The following STX3 variants were observed in gnomAD, a reference collection of about 807,000 sequenced individuals.
STX3 encodes the protein syntaxin 3.
STX3 carries 19 observed loss-of-function variants against 40.2 expected under a neutral mutation model. That is an observed-to-expected ratio of 0.47 (90% CI 0.33 to 0.69). The LOEUF is 0.69. Among genes scored for constraint, STX3 ranks in the 30% least tolerant of loss-of-function variants. The probability of loss-of-function intolerance (pLI) is 0.02; values close to 1 mark genes in which losing one functional copy is unlikely to be tolerated. For missense variants in STX3, 364 were observed against 366.7 expected, an observed-to-expected ratio of 0.99 and a Z score of 0.06; for synonymous variants, 122 against 132.2, an observed-to-expected ratio of 0.92 and a Z score of 0.53.
chr11:59,796,826 C>T (rs1026232646), intron 9 of STX3, among the ~76,000 whole-genome samples: 2 of 152,104 alleles, frequency 1.3e-5, no homozygotes, highest in Non-Finnish European at 2.9e-5. Context: ...TTAAACTGTC[C>T]TAGGCTGGGT....
At chr11:59,796,246 C>G (rs1865511867) in intron 9 of STX3, among the ~76,000 whole-genome samples, 1 of 152,188 alleles carries the variant, frequency 6.6e-6, no homozygotes, top group African/African-American at 2.4e-5. Context: ...TAAGTAGAGG[C>G]ACTGGGATTC....
At chr11:59,780,416 C>A (rs143971124) in intron 2 of STX3, among the ~76,000 whole-genome samples, 1 of 152,168 alleles carries the variant, frequency 6.6e-6, no homozygotes, top group Non-Finnish European at 1.5e-5. Context: ...TTCCTAGCCT[C>A]CAGTACTGTG....
At chr11:59,764,149 G>A (rs183934812) in intron 1 of STX3, among the ~76,000 whole-genome samples, 33 of 152,292 alleles carry the variant, frequency 2.2e-4, no homozygotes, top group African/African-American at 7.5e-4. Flanking sequence ...CAGATTTAAA[G>A]CACATGAGGT....
In STX3 at chr11:59,803,177, T is replaced by C; in HGVS notation, c.*2353T>C. 8.1e-7 allele frequency: 1 copy of C among 1,231,662 alleles called. No homozygotes were observed. The highest frequency in any genetic ancestry group is 1.0e-6 in the Non-Finnish European group (1 of 987,900). The allele number at this position is 1,231,662 out of a possible 1,614,324, so 76.3% of individuals were successfully genotyped here. ...CCCTGCAGAATACTTTTTGCGATGA[T>C]GTTTCTCATGTATTCTTTCTTTCCT... On this transcript the variant is annotated 3_prime_UTR_variant, in exon 11 of 11. Transcript: ENST00000337979.
At chr11:59,795,743 C>T in intron 9 of STX3, 1 of 1,522,802 alleles carries the variant, frequency 6.6e-7, no homozygotes, top group Non-Finnish European at 8.8e-7. Context: ...TGTCCTTCGT[C>T]TCAGCTGTCT....
intron 1 of STX3, among the ~76,000 whole-genome samples, chr11:59,759,950 G>T (rs1050071041): frequency 6.6e-6 from 1 of 152,138 alleles, no homozygotes; most frequent in South Asian, 2.1e-4. Context: ...ACCAATCTGC[G>T]CTTCACTGAG....
intron 4 of STX3, 70 bp downstream of exon 4, chr11:59,789,017 T>G: frequency 7.1e-7 from 1 of 1,411,860 alleles, no homozygotes; most frequent in South Asian, 1.3e-5. Context: ...GGGTCCAGCT[T>G]TCCGAACTGA....
At chr11:59,795,224 G>A in intron 8 of STX3, 148 bp from the exon 9 acceptor site, 1 of 642,242 alleles carries the variant, frequency 1.6e-6, no homozygotes, top group South Asian at 1.9e-5. Context: ...CAAGGACTGT[G>A]AATGGGTGTC....
At position 59,803,124 on chromosome 11, in the gene STX3, C is replaced by A; in HGVS notation, c.*2300C>A. 2.4e-6 allele frequency: 3 copies of A among 1,229,990 alleles called. No homozygotes were observed. The highest frequency in any genetic ancestry group is 3.0e-6 in the Non-Finnish European group (3 of 987,128). 76.2% of individuals were successfully genotyped at this position (1,229,990 alleles called of 1,614,324 possible). A position where few individuals can be genotyped will look rare whatever the true frequency, so the allele number is the denominator to read the frequency against. On this transcript the variant is annotated 3_prime_UTR_variant, in exon 11 of 11. Transcript: ENST00000337979. ...CTTCTGTTGCTCTCTTCCTTCACAC[C>A]CTCTTCCATGTCCACATGCACTTAT...
chr11:59,781,508 C>A (rs933242148), intron 2 of STX3: 41 of 1,613,838 alleles, frequency 2.5e-5, no homozygotes, highest in Non-Finnish European at 3.4e-5. Flanking sequence ...CTTCAAACTT[C>A]TCTCCCAGGG....
intron 2 of STX3, among the ~76,000 whole-genome samples, chr11:59,781,085 C>CTT (rs67745750): frequency 4.3e-5 from 5 of 116,076 alleles, no homozygotes; most frequent in African/African-American, 6.7e-5. Flanking sequence ...CATTTGTTTT[C>CTT]TTTTTTTTTT....
intron 2 of STX3, among the ~76,000 whole-genome samples, chr11:59,786,274 G>C (rs997569127): frequency 1.5e-5 from 2 of 137,728 alleles, no homozygotes; most frequent in African/African-American, 5.5e-5. Flanking sequence ...CAGTCTCGCT[G>C]TGTCGTCCAG....
chr11:59,786,850 T>C (rs1210408007), intron 2 of STX3, among the ~76,000 whole-genome samples, 187 bp from the exon 3 acceptor site: 5 of 152,326 alleles, frequency 3.3e-5, no homozygotes, highest in Middle Eastern at 3.4e-3. Context: ...ACAACTGTTC[T>C]GTTGAGATTA....
chr11:59,773,813 C>T (rs957298395), intron 2 of STX3, among the ~76,000 whole-genome samples: 37 of 151,918 alleles, frequency 2.4e-4, no homozygotes, highest in African/African-American at 8.9e-4. Context: ...AACCCTGCCT[C>T]TACTAAAAAT....
chr11:59,775,445 A>G (rs1245042177), intron 2 of STX3, among the ~76,000 whole-genome samples: 2 of 152,234 alleles, frequency 1.3e-5, no homozygotes, highest in African/African-American at 4.8e-5. Flanking sequence ...CTTCCCTAAG[A>G]TAAGGAATCT....
chr11:59,769,939 T>C (rs908739942), intron 1 of STX3, among the ~76,000 whole-genome samples: 2 of 147,296 alleles, frequency 1.4e-5, no homozygotes, highest in East Asian at 4.0e-4. Context: ...TGTAGTGGGG[T>C]GTGGGTTGTG....
At chr11:59,759,112 A>G (rs76483903) in intron 1 of STX3, among the ~76,000 whole-genome samples, 3,476 of 152,268 alleles carry the variant, frequency 0.023, 133 homozygotes, top group African/African-American at 0.08. Flanking sequence ...ACCTTTTCAG[A>G]TATGTAAAGG....
At position 59,795,493 on chromosome 11, in the gene STX3, C is replaced by G; in HGVS notation, c.786+11C>G. 6.2e-7 allele frequency: 1 copy of G among 1,606,318 alleles called. No homozygotes were observed. Among genetic ancestry groups the G allele is most frequent in the Non-Finnish European group, 8.5e-7 (1 of 1,176,126 alleles). On this transcript the variant is annotated intron_variant, in intron 9 of 10. Transcript: ENST00000337979. Reference sequence around the variant, plus strand: ...AGTCAGGCCCGGAAGGTGAGACTCTCCTGTGGCCTTCAGAGAAGAGAGTCC... The same window carrying G: ...AGTCAGGCCCGGAAGGTGAGACTCTGCTGTGGCCTTCAGAGAAGAGAGTCC...
rs368272172 is a variant in STX3, at chr11:59,755,580, C to T, written c.-26C>T. 1.7e-5 allele frequency: 27 copies of T among 1,593,078 alleles called. No individual in the cohort carries two copies. In the African/African-American group the frequency reaches 3.6e-4, roughly 22 times the overall value. Reference sequence around the variant, plus strand: ...GACGCGCTCACCTGGGACGCGCTACCTGCCTCCGGGCGCCTGGGCTTCAGG... The same window carrying T: ...GACGCGCTCACCTGGGACGCGCTACTTGCCTCCGGGCGCCTGGGCTTCAGG... On this transcript the variant is annotated 5_prime_UTR_variant, in exon 1 of 11. Transcript: ENST00000337979.
Sources: gnomAD v4.1 joint callset for allele counts (sites outside exome capture counted in the v4.1 genomes callset) on GRCh38, gnomAD v4.1.1 for gene constraint, MANE v1.5 for transcripts, NCBI Gene and HGNC (gene_info 2026-07-23, HGNC 2026-07-21) for gene names.